SERPINE3: variants seen among roughly 807,000 people sequenced by gnomAD.
SERPINE3 encodes serpin family E member 3.
A neutral mutation model predicts 41.7 loss-of-function variants in SERPINE3; 43 were observed. That is an observed-to-expected ratio of 1.03 (90% CI 0.81 to 1.33). SERPINE3 has a LOEUF of 1.33. Among genes scored for constraint, SERPINE3 ranks in the 40% most tolerant of loss-of-function variants. The pLI, the probability that SERPINE3 is intolerant of heterozygous loss-of-function variation, is 0.00. For synonymous variants in SERPINE3, 200 were observed against 192.2 expected, an observed-to-expected ratio of 1.04 and a Z score of -0.34; for missense variants, 440 against 491.7, an observed-to-expected ratio of 0.89 and a Z score of 0.99.
chr13:51,343,698 C>G (rs186842771), intron 3 of SERPINE3, among the ~76,000 whole-genome samples: 8 of 152,310 alleles, frequency 5.3e-5, no homozygotes, highest in African/African-American at 1.7e-4. Context: ...AAATTGAAAG[C>G]ATAGTTCTAC....
In SERPINE3 at chr13:51,344,359, C is replaced by T; in HGVS notation, c.364C>T (p.Pro122Ser). ...CAGCCTTTTTGTGCAAGTGGGAACG[C>T]CACTGTCCCCCTGCTTTGTGGAGCA... is the stretch of plus-strand genomic sequence containing the variant. ...ACSLFVQVGT[P>S]LSPCFVEHVS... The change falls in exon 4 of 10, where the codon CCA becomes TCA. Residue 122 changes from proline (P) to serine (S), a missense_variant. Transcript: ENST00000681248. 6.2e-7 allele frequency: 1 copy of T among 1,613,806 alleles called. No homozygotes were observed. The highest frequency in any genetic ancestry group is 8.5e-7 in the Non-Finnish European group (1 of 1,179,800).
At chr13:51,354,836 A>G (rs1350984174) in intron 6 of SERPINE3, among the ~76,000 whole-genome samples, 1 of 152,224 alleles carries the variant, frequency 6.6e-6, no homozygotes, top group Non-Finnish European at 1.5e-5. Context: ...CTTAGAATGA[A>G]CAGCAGGAAC....
At chr13:51,362,895 G>A (rs1167486045) in intron 9 of SERPINE3, 1 of 152,232 alleles carries the variant, frequency 6.6e-6, no homozygotes, top group Admixed American at 6.6e-5. Context: ...TATTTGGAGA[G>A]AAAAAGTCCA....
chr13:51,361,388 A>G, intron 8 of SERPINE3, 24 bp downstream of exon 8: 2 of 1,405,206 alleles, frequency 1.4e-6, no homozygotes, highest in Non-Finnish European at 2.0e-6. Flanking sequence ...ATACCCAGTC[A>G]CACTGCTTAC....
chr13:51,346,970 C>A, intron 4 of SERPINE3, 55 bp from the exon 5 acceptor site: 1 of 1,317,802 alleles, frequency 7.6e-7, no homozygotes, highest in South Asian at 1.3e-5. Flanking sequence ...ACACTGGGTT[C>A]GGTTCAGTTT....
At chr13:51,358,284 A>G (rs1327359195) in intron 7 of SERPINE3, among the ~76,000 whole-genome samples, 1 of 152,302 alleles carries the variant, frequency 6.6e-6, no homozygotes, top group South Asian at 2.1e-4. Flanking sequence ...GCTACAGCAA[A>G]TAATTGTAAA....
intron 4 of SERPINE3, among the ~76,000 whole-genome samples, chr13:51,346,335 C>T (rs1054283841): frequency 3.9e-5 from 6 of 151,982 alleles, no homozygotes; most frequent in Non-Finnish European, 8.8e-5. Flanking sequence ...GGACTGGGGG[C>T]GACAATGTGC....
Position 51,348,240 on chromosome 13 carries a change from A to AG in SERPINE3, c.730dup (p.Val244GlyfsTer22), listed in dbSNP as rs775881362. The AG allele has an allele frequency of 9.4e-6, 15 of 1,599,950 alleles. No homozygotes were observed. The Admixed American group carries it at 2.6e-4, about 27-fold the overall frequency. ...CAGTTCCAGGACACTGCAGGCCATCAGGTGGGGGTGCTGGAGCTTCCTTAC... is the reference window on the plus strand; with the variant it reads ...CAGTTCCAGGACACTGCAGGCCATCAGGGTGGGGGTGCTGGAGCTTCCTTAC... On this transcript the variant is annotated frameshift_variant, in exon 6 of 10. Coordinates refer to ENST00000681248, the MANE Select transcript of SERPINE3 (RefSeq NM_001386375.1). LOFTEE classifies it high-confidence loss of function.
chr13:51,360,600 T>C (rs1449876979), intron 7 of SERPINE3, among the ~76,000 whole-genome samples: 1 of 152,106 alleles, frequency 6.6e-6, no homozygotes, highest in African/African-American at 2.4e-5. Flanking sequence ...ACTTATAATC[T>C]GTGAAACTGT....
intron 6 of SERPINE3, among the ~76,000 whole-genome samples, chr13:51,349,687 C>G (rs1204273468): frequency 1.3e-5 from 2 of 152,186 alleles, no homozygotes; most frequent in African/African-American, 4.8e-5. Context: ...CTCCACCGTC[C>G]TGATTCTGCT....
rs559359770 is a variant in SERPINE3, at chr13:51,347,898, G to A, written c.701-315G>A. On this transcript the variant is annotated intron_variant, in intron 5 of 9. Transcript: ENST00000681248. ...GTTCAGGCCTCTACTGGGGTTCTTG[G>A]AGCATATCTGCCAAGGATAAGGGGG... 1.1e-4 allele frequency among the ~76,000 whole-genome samples: 17 copies of A among 152,086 alleles called. No individual in the cohort carries two copies. The South Asian group carries it at 2.7e-3, about 24-fold the overall frequency.
intron 6 of SERPINE3, among the ~76,000 whole-genome samples, chr13:51,354,514 G>A (rs537386560): frequency 5.3e-5 from 8 of 151,936 alleles, no homozygotes; most frequent in East Asian, 1.9e-4. Context: ...CCAGCTACTC[G>A]GGAAGCTAAG....
At chr13:51,354,969 G>A in intron 6 of SERPINE3, 74 bp from the exon 7 acceptor site, 1 of 716,216 alleles carries the variant, frequency 1.4e-6, no homozygotes, top group South Asian at 1.8e-5. Context: ...TAGGGATTTT[G>A]GACTTCATGT....
intron 9 of SERPINE3, 171 bp downstream of exon 9, chr13:51,362,064 G>GT: frequency 3.8e-6 from 6 of 1,569,332 alleles, no homozygotes; most frequent in Non-Finnish European, 5.1e-6. Flanking sequence ...GGACTATTTC[G>GT]TAAGTACAAA....
chr13:51,361,651 CTCTT>C (rs1955579229), intron 8 of SERPINE3, 155 bp from the exon 9 acceptor site: 1 of 643,582 alleles, frequency 1.6e-6, no homozygotes, highest in Admixed American at 3.3e-5. Flanking sequence ...GGCATCTTTT[CTCTT>C]TAATTTTCCC....
intron 8 of SERPINE3, chr13:51,361,600 C>G (rs1382677249): frequency 1.0e-5 from 6 of 587,134 alleles, no homozygotes; most frequent in Admixed American, 3.2e-5. Flanking sequence ...GGAATTTATT[C>G]CATGGAATGT....
At chr13:51,363,660 C>T (rs1955628408) in intron 9 of SERPINE3, 1 of 151,720 alleles carries the variant, frequency 6.6e-6, no homozygotes, top group Non-Finnish European at 1.5e-5. Context: ...AACAAGTATT[C>T]TAATTTAACT....
intron 7 of SERPINE3, among the ~76,000 whole-genome samples, chr13:51,356,241 G>A (rs752593034): frequency 6.6e-6 from 1 of 152,136 alleles, no homozygotes; most frequent in Admixed American, 6.6e-5. Context: ...GCACACAGTT[G>A]GATACCAAGT....
intron 7 of SERPINE3, among the ~76,000 whole-genome samples, chr13:51,355,438 G>A (rs1019288091): frequency 2.0e-5 from 3 of 152,056 alleles, no homozygotes; most frequent in African/African-American, 7.2e-5. Context: ...GACTAGGAGT[G>A]TACCCAAGGC....
Sources: gnomAD v4.1 joint callset for allele counts (sites outside exome capture counted in the v4.1 genomes callset) on GRCh38, gnomAD v4.1.1 for gene constraint, MANE v1.5 for transcripts, NCBI Gene and HGNC (gene_info 2026-07-23, HGNC 2026-07-21) for gene names.